GLRA3: variants seen among roughly 807,000 people sequenced by gnomAD.
The protein encoded by GLRA3 is glycine receptor alpha 3, also known as glycine receptor subunit alpha-3.
GLRA3 carries 44 observed loss-of-function variants against 60.4 expected under a neutral mutation model. The ratio of observed to expected loss-of-function variants is 0.73; its 90% CI spans 0.57 to 0.94. GLRA3 has a LOEUF of 0.94. Among genes scored for constraint, GLRA3 ranks in the 40% least tolerant of loss-of-function variants. The probability of loss-of-function intolerance (pLI) is 0.00; values close to 1 mark genes in which losing one functional copy is unlikely to be tolerated. For synonymous variants in GLRA3, 223 were observed against 192.9 expected (o/e 1.16, Z -1.29); for missense variants, 508 against 564.6 (o/e 0.90, Z 1.02).
Position 174,781,546 on chromosome 4 carries a change from A to G in GLRA3, c.199+7270T>C, listed in dbSNP as rs796888906. Among the ~76,000 whole-genome samples, 7 of 145,964 alleles carry G rather than the reference A, an allele frequency of 4.8e-5. No individual in the cohort carries two copies. The East Asian group carries it at 1.2e-3, about 25-fold the overall frequency. ...CAGGAGCTGGTTTTTTGAAAGGATC[A>G]ACAAAATTGATAGACCGCTAGCAAG... On this transcript the variant is annotated intron_variant, in intron 2 of 9. Transcript: ENST00000274093.
chr4:174,817,970 TAAAG>T (rs1740575945), intron 1 of GLRA3, among the ~76,000 whole-genome samples: 1 of 152,200 alleles, frequency 6.6e-6, no homozygotes, highest in South Asian at 2.1e-4. Flanking sequence ...TATTTTCTGC[TAAAG>T]AGAGATTATC....
intron 1 of GLRA3, among the ~76,000 whole-genome samples, chr4:174,826,373 A>C (rs1254503154): frequency 6.6e-6 from 1 of 152,198 alleles, no homozygotes; most frequent in Non-Finnish European, 1.5e-5. Context: ...TATACTTATT[A>C]TATAAGTCAG....
At chr4:174,776,963 G>A (rs980163239) in intron 2 of GLRA3, among the ~76,000 whole-genome samples, 4 of 152,072 alleles carry the variant, frequency 2.6e-5, no homozygotes, top group Non-Finnish European at 5.9e-5. Context: ...ATGTAACTGA[G>A]GACAAATCTG....
At chr4:174,682,132 C>G (rs1372810870) in intron 6 of GLRA3, among the ~76,000 whole-genome samples, 6 of 152,118 alleles carry the variant, frequency 3.9e-5, no homozygotes, top group African/African-American at 1.4e-4. Flanking sequence ...CAATCATGGG[C>G]TGTTTAATGG....
At chr4:174,775,463 G>A (rs1738562928) in intron 2 of GLRA3, among the ~76,000 whole-genome samples, 1 of 152,120 alleles carries the variant, frequency 6.6e-6, no homozygotes, top group African/African-American at 2.4e-5. Flanking sequence ...CAAATACATC[G>A]TGAGGGCAAA....
intron 3 of GLRA3, among the ~76,000 whole-genome samples, chr4:174,745,223 A>G: frequency 6.6e-6 from 1 of 152,350 alleles, no homozygotes; most frequent in East Asian, 1.9e-4. Flanking sequence ...TTGAAAGCCT[A>G]TTTAATGAAA....
At chr4:174,659,645 AT>A (rs34578642) in intron 7 of GLRA3, among the ~76,000 whole-genome samples, 46,128 of 151,938 alleles carry the variant, frequency 0.3, 8,055 homozygotes, top group Admixed American at 0.48. Context: ...ATTTTGAAAT[AT>A]TTTTTGACTT....
chr4:174,783,078 G>A (rs946579071), intron 2 of GLRA3, among the ~76,000 whole-genome samples: 2 of 152,122 alleles, frequency 1.3e-5, no homozygotes, highest in African/African-American at 4.8e-5. Flanking sequence ...ATACTACAAG[G>A]CTACAGTAAA....
intron 3 of GLRA3, among the ~76,000 whole-genome samples, chr4:174,731,091 G>C (rs771932005): frequency 3.9e-5 from 6 of 152,084 alleles, no homozygotes; most frequent in Non-Finnish European, 8.8e-5. Flanking sequence ...AGGGTTCAAA[G>C]CAAAACAAAA....
Position 174,643,768 on chromosome 4 carries a change from T to C in GLRA3, c.*18A>G. On this transcript the variant is annotated 3_prime_UTR_variant, in exon 10 of 10. Coordinates refer to ENST00000274093, the MANE Select transcript of GLRA3 (RefSeq NM_006529.4). ...TTTCTTCTGAATTGACCATTTGCAT[T>C]TGCATGCCCCCAGAGACTTAATCTT... 1 of 1,604,418 alleles carries C rather than the reference T, an allele frequency of 6.2e-7. No homozygotes were observed. Among genetic ancestry groups the C allele is most frequent in the East Asian group, 2.2e-5 (1 of 44,696 alleles).
chr4:174,695,499 C>A (rs1053636129), intron 5 of GLRA3, among the ~76,000 whole-genome samples: 1 of 152,074 alleles, frequency 6.6e-6, no homozygotes, highest in Non-Finnish European at 1.5e-5. Context: ...ACATGATTAT[C>A]TCAATAGACT....
intron 3 of GLRA3, among the ~76,000 whole-genome samples, chr4:174,758,748 C>A (rs1173992537): frequency 2.0e-5 from 3 of 152,094 alleles, no homozygotes; most frequent in Admixed American, 6.5e-5. Flanking sequence ...ATTCTCTGTA[C>A]TGCCTTTGCA....
At chr4:174,649,831 A>G (rs1219998429) in intron 9 of GLRA3, among the ~76,000 whole-genome samples, 4 of 151,696 alleles carry the variant, frequency 2.6e-5, no homozygotes, top group African/African-American at 9.7e-5. Flanking sequence ...TTTTAGTCTC[A>G]TTGGTAAAAA....
intron 7 of GLRA3, among the ~76,000 whole-genome samples, chr4:174,665,237 CTTTTTTTTT>C (rs34499494): frequency 7.8e-6 from 1 of 127,488 alleles, no homozygotes; most frequent in Non-Finnish European, 1.6e-5. Flanking sequence ...TTTGTATTTA[CTTTTTTTTT>C]TTTTTTTTTT....
intron 3 of GLRA3, among the ~76,000 whole-genome samples, chr4:174,735,181 G>T (rs1207943103): frequency 1.3e-5 from 2 of 151,712 alleles, no homozygotes; most frequent in Non-Finnish European, 2.9e-5. Context: ...AAAAAAAAAA[G>T]GCTAGATAAC....
intron 3 of GLRA3, among the ~76,000 whole-genome samples, chr4:174,744,218 T>C (rs6823566): frequency 0.16 from 24,038 of 152,198 alleles, 2,466 homozygotes; most frequent in African/African-American, 0.3. Flanking sequence ...AGGGTTGTAG[T>C]GCCACTGCCA....
chr4:174,744,103 A>T (rs6818269), intron 3 of GLRA3, among the ~76,000 whole-genome samples: 24,102 of 152,198 alleles, frequency 0.16, 2,503 homozygotes, highest in African/African-American at 0.3. Flanking sequence ...GTGGTGCTGC[A>T]GCCATCAAAA....
intron 9 of GLRA3, among the ~76,000 whole-genome samples, chr4:174,653,336 T>C (rs1388026396): frequency 2.0e-5 from 3 of 151,836 alleles, no homozygotes; most frequent in Admixed American, 1.3e-4. Context: ...TTCAGTTTCA[T>C]ATATCTACAC....
chr4:174,778,046 G>GTA (rs997853609), intron 2 of GLRA3, among the ~76,000 whole-genome samples: 92 of 151,218 alleles, frequency 6.1e-4, no homozygotes, highest in South Asian at 2.7e-3. Context: ...GTGTATGTAT[G>GTA]TATATATATA....
Sources: gnomAD v4.1 joint callset for allele counts (sites outside exome capture counted in the v4.1 genomes callset) on GRCh38, gnomAD v4.1.1 for gene constraint, MANE v1.5 for transcripts, NCBI Gene and HGNC (gene_info 2026-07-23, HGNC 2026-07-21) for gene names.